CLN3: variants seen among roughly 807,000 people sequenced by gnomAD.
CLN3 encodes the protein battenin.
CLN3 carries 49 observed loss-of-function variants against 60.7 expected under a neutral mutation model. The observed-to-expected ratio is 0.81, with a 90% CI of 0.64 to 1.02. The LOEUF is 1.02. Among genes scored for constraint, CLN3 ranks in the 50% least tolerant of loss-of-function variants. CLN3 has a pLI of 0.00. For missense variants in CLN3, 516 were observed against 557.4 expected, an observed-to-expected ratio of 0.93 and a Z score of 0.75; for synonymous variants, 256 against 245.8, an observed-to-expected ratio of 1.04 and a Z score of -0.39.
At chr16:28,475,120 C>T (rs985142714), downstream of CLN3, among the ~76,000 whole-genome samples, 1 of 151,942 alleles carries the variant, frequency 6.6e-6, no homozygotes, top group East Asian at 1.9e-4. Flanking sequence ...TATGGTGGTG[C>T]GTGCCTGCAG....
chr16:28,483,488 C>A (rs2046140589), intron 10 of CLN3, among the ~76,000 whole-genome samples: 2 of 152,106 alleles, frequency 1.3e-5, no homozygotes, highest in African/African-American at 4.8e-5. Flanking sequence ...TCCCAAAGTG[C>A]TGGGATTACA....
At chr16:28,491,362 A>C in intron 3 of CLN3, 120 bp downstream of exon 3, 1 of 1,384,140 alleles carries the variant, frequency 7.2e-7, no homozygotes, top group Admixed American at 2.0e-5. Context: ...AAACCAGTGG[A>C]TTCAGTAAAT....
At chr16:28,470,501 G>A (rs550833262), downstream of CLN3, 33 of 1,437,894 alleles carry the variant, frequency 2.3e-5, 1 homozygote, top group South Asian at 3.1e-4. Context: ...CTTAGGGCAG[G>A]GGGGAGGGAA....
intron 9 of CLN3, among the ~76,000 whole-genome samples, chr16:28,485,571 CAA>C (rs67148714): frequency 2.6e-4 from 3 of 11,764 alleles, no homozygotes; most frequent in Non-Finnish European, 3.9e-4. Flanking sequence ...GACTCCGTCT[CAA>C]AAAAAAAAAA....
At chr16:28,479,727 C>A (rs1013184770) in intron 14 of CLN3, 1 of 200,702 alleles carries the variant, frequency 5.0e-6, no homozygotes, top group South Asian at 6.0e-5. Context: ...CAAGATTGCA[C>A]CGCTACATTC....
chr16:28,489,273 G>GGTA lies in CLN3; in HGVS notation c.222+14_222+16dup, dbSNP rs778698035. On this transcript the variant is annotated intron_variant, in intron 4 of 15. Transcript: ENST00000636147. Reference sequence around the variant, plus strand: ...CACAGGGACTAACCATGGTGGTGGTGGTAGAGAGTCACTTACATGGCTCTG... The same window carrying GGTA: ...CACAGGGACTAACCATGGTGGTGGTGGTAGTAGAGAGTCACTTACATGGCTCTG... 1 of 1,586,580 alleles carries GGTA rather than the reference G, an allele frequency of 6.3e-7. No individual in the cohort carries two copies. The highest frequency in any genetic ancestry group is 1.1e-5 in the South Asian group (1 of 89,564).
At chr16:28,484,182 C>G (rs1033897376) in intron 9 of CLN3, 64 bp from the exon 10 acceptor site, 15 of 1,210,754 alleles carry the variant, frequency 1.2e-5, no homozygotes, top group Non-Finnish European at 1.6e-5. Flanking sequence ...CAGGGACCAT[C>G]TAGGCCACTT....
chr16:28,485,960 T>C (rs1470651512), intron 9 of CLN3, among the ~76,000 whole-genome samples: 1 of 151,862 alleles, frequency 6.6e-6, no homozygotes, highest in African/African-American at 2.4e-5. Context: ...GGTAGGGACT[T>C]GAAGATTGCA....
chr16:28,484,287 G>T, intron 9 of CLN3, 169 bp from the exon 10 acceptor site: 1 of 644,248 alleles, frequency 1.6e-6, no homozygotes, highest in Non-Finnish European at 2.8e-6. Flanking sequence ...TCCAATTGTG[G>T]ACAAAGGCTT....
At chr16:28,482,081 A>G in intron 14 of CLN3, 24 bp downstream of exon 14, 1 of 1,590,132 alleles carries the variant, frequency 6.3e-7, no homozygotes. Context: ...GGTGGGAGTG[A>G]AGTGAGGGGC....
chr16:28,485,996 CT>C (rs901586676), intron 9 of CLN3, among the ~76,000 whole-genome samples: 223 of 145,126 alleles, frequency 1.5e-3, no homozygotes, highest in Middle Eastern at 7.2e-3. Context: ...TCTTTTCTTT[CT>C]TTTTTTTTTT....
intron 14 of CLN3, among the ~76,000 whole-genome samples, chr16:28,480,996 T>C (rs972590447): frequency 6.6e-6 from 1 of 152,190 alleles, no homozygotes; most frequent in Non-Finnish European, 1.5e-5. Context: ...AACTGTACAT[T>C]TTCTTATAGT....
At chr16:28,490,732 C>G (rs1350992961) in intron 3 of CLN3, among the ~76,000 whole-genome samples, 1 of 146,342 alleles carries the variant, frequency 6.8e-6, no homozygotes, top group African/African-American at 2.5e-5. Context: ...TGCACTCCAG[C>G]CTGGAGGACA....
downstream of CLN3, among the ~76,000 whole-genome samples, chr16:28,472,800 C>CAA (rs34795595): frequency 7.1e-5 from 6 of 85,020 alleles, no homozygotes; most frequent in South Asian, 5.0e-4. Flanking sequence ...AACTCTGTTT[C>CAA]AAAAAAAAAA....
In CLN3 at chr16:28,488,305, T is replaced by C. The variant is rs141294620; in HGVS notation, c.294+286A>G. ...ATCCATCCGCCTCAGCCTCAGAAAT[T>C]ATATTAAGGTCTCAATTATTTTATA... On this transcript the variant is annotated intron_variant, in intron 5 of 15. Coordinates refer to ENST00000636147, the MANE Select transcript of CLN3 (RefSeq NM_001042432.2). 1,894 of 170,750 alleles carry C rather than the reference T, an allele frequency of 0.011. 36 individuals are homozygous for C. The highest frequency in any genetic ancestry group is 0.043 in the African/African-American group (1,794 of 41,854). 10.6% of individuals were successfully genotyped at this position (170,750 alleles called of 1,614,324 possible).
intron 5 of CLN3, 162 bp from the exon 6 acceptor site, chr16:28,487,903 T>A: frequency 1.5e-6 from 1 of 666,428 alleles, no homozygotes; most frequent in Admixed American, 2.2e-5. Context: ...CACTCCTTAG[T>A]TGTGTGTCAA....
At chr16:28,467,556 AT>A in the CLN3 span, among the ~76,000 whole-genome samples, 234 of 137,160 alleles carry the variant, frequency 1.7e-3, no homozygotes, top group African/African-American at 5.4e-3. Context: ...GTGCCCAGCC[AT>A]TTTTTTTTGT....
rs1398814860 is a variant in CLN3, at chr16:28,491,753, C to G, written c.7G>C (p.Gly3Arg). 2 of 1,613,870 alleles carry G rather than the reference C, an allele frequency of 1.2e-6. No individual in the cohort carries two copies. The highest frequency in any genetic ancestry group is 2.7e-5 in the African/African-American group (2 of 74,934). The change falls in exon 2 of 16, where the codon GGC becomes CGC. Residue 3 changes from glycine (G) to arginine (R), a missense_variant. Physicochemically the swap from Gly to Arg is moderately radical, Grantham distance 125. Transcript: ENST00000636147. The stretch of plus-strand genomic sequence containing the variant: ...AAGCGCCGCCGCGAGCCTGCACAGC[C>G]TCCCATCGCATCAAGTTCAGGTCCC... MG[G>R]CAGSRRRFSD...
downstream of CLN3, among the ~76,000 whole-genome samples, chr16:28,474,622 C>T (rs939661752): frequency 2.6e-5 from 4 of 152,146 alleles, no homozygotes; most frequent in African/African-American, 4.8e-5. Flanking sequence ...GGGAAACAGT[C>T]GGGTAGTTCC....
Sources: allele counts gnomAD v4.1 joint callset (sites outside exome capture counted in the v4.1 genomes callset), GRCh38; gene constraint gnomAD v4.1.1; transcripts MANE v1.5; gene names NCBI Gene and HGNC (gene_info 2026-07-23, HGNC 2026-07-21).